Variants in DRGX observed in about 807,000 individuals in gnomAD.
The protein encoded by DRGX is dorsal root ganglia homeobox protein.
In DRGX, 21 loss-of-function variants were observed where a neutral mutation model predicts 28.6. The ratio of observed to expected loss-of-function variants is 0.73; its 90% CI spans 0.52 to 1.06. The LOEUF is 1.06. Among genes scored for constraint, DRGX ranks in the 50% least tolerant of loss-of-function variants. The pLI, the probability that DRGX is intolerant of heterozygous loss-of-function variation, is 0.00. For synonymous variants in DRGX, 136 were observed against 139.1 expected (o/e 0.98, Z 0.16); for missense variants, 354 against 343.9 (o/e 1.03, Z -0.23).
chr10:49,386,995 G>C (rs1005755171), intron 4 of DRGX, 137 bp from the exon 5 acceptor site: 1 of 987,664 alleles, frequency 1.0e-6, no homozygotes, highest in African/African-American at 1.6e-5. Context: ...TGCAGCGTCA[G>C]GCCCACAGAG....
At chr10:49,371,135 T>C (rs1199871142) in intron 6 of DRGX, among the ~76,000 whole-genome samples, 2 of 152,194 alleles carry the variant, frequency 1.3e-5, no homozygotes, top group East Asian at 1.9e-4. Flanking sequence ...AAAAAATTAT[T>C]TCCACAAGCA....
intron 2 of DRGX, among the ~76,000 whole-genome samples, chr10:49,393,646 C>T (rs999388736): frequency 1.3e-5 from 2 of 152,218 alleles, no homozygotes; most frequent in Non-Finnish European, 2.9e-5. Flanking sequence ...TCAACTTTTC[C>T]ATTTGCGGGA....
intron 6 of DRGX, among the ~76,000 whole-genome samples, 179 bp downstream of exon 6, chr10:49,386,299 G>A (rs535687809): frequency 7.9e-5 from 12 of 152,318 alleles, no homozygotes; most frequent in African/African-American, 2.9e-4. Flanking sequence ...CAGGACGCAT[G>A]TAGGAAGCAA....
At chr10:49,383,177 C>T (rs1020469821) in intron 6 of DRGX, among the ~76,000 whole-genome samples, 1 of 152,186 alleles carries the variant, frequency 6.6e-6, no homozygotes, top group South Asian at 2.1e-4. Context: ...ATAAGCAATC[C>T]CAGCTTCACC....
intron 6 of DRGX, among the ~76,000 whole-genome samples, chr10:49,380,337 C>G (rs1295164268): frequency 6.6e-6 from 1 of 152,230 alleles, no homozygotes; most frequent in Admixed American, 6.5e-5. Context: ...CCAGCCCCAG[C>G]CATTCCTGCC....
At chr10:49,369,202 C>T (rs899771108) in intron 6 of DRGX, among the ~76,000 whole-genome samples, 1 of 152,196 alleles carries the variant, frequency 6.6e-6, no homozygotes, top group African/African-American at 2.4e-5. Flanking sequence ...TAACTATACT[C>T]CTGGCCCTCA....
chr10:49,389,118 A>G (rs1362129390), intron 4 of DRGX, among the ~76,000 whole-genome samples: 1 of 152,220 alleles, frequency 6.6e-6, no homozygotes, highest in Non-Finnish European at 1.5e-5. Flanking sequence ...GGAGATTTTC[A>G]TTTCCAAATA....
chr10:49,383,478 C>T (rs1040466291), intron 6 of DRGX, among the ~76,000 whole-genome samples: 8 of 152,114 alleles, frequency 5.3e-5, no homozygotes, highest in Non-Finnish European at 8.8e-5. Context: ...AATGGGACAC[C>T]CCCTTACAGC....
In DRGX at chr10:49,386,940, C is replaced by T. The variant is rs369517359; in HGVS notation, c.235-82G>A. On this transcript the variant is annotated intron_variant, in intron 4 of 6. Transcript: ENST00000374139. ...GAACCCTGGACCCAGTGCTGGCACT[C>T]ACAGCTCACCCTGCAGCCTCCTCTC... is the stretch of plus-strand genomic sequence containing the variant. 3.5e-6 allele frequency: 5 copies of T among 1,447,586 alleles called. No homozygotes were observed. In the East Asian group the frequency reaches 1.2e-4, roughly 35 times the overall value. 89.7% of individuals were successfully genotyped at this position (1,447,586 alleles called of 1,614,324 possible). A position where few individuals can be genotyped will look rare whatever the true frequency, so the allele number is the denominator to read the frequency against.
At chr10:49,379,288 A>G (rs1052779557) in intron 6 of DRGX, among the ~76,000 whole-genome samples, 3 of 152,218 alleles carry the variant, frequency 2.0e-5, no homozygotes, top group African/African-American at 7.2e-5. Context: ...AACGAGGCAC[A>G]TGGAGTTAGG....
At chr10:49,373,308 A>G (rs993805712) in intron 6 of DRGX, among the ~76,000 whole-genome samples, 1 of 152,224 alleles carries the variant, frequency 6.6e-6, no homozygotes, top group Non-Finnish European at 1.5e-5. Flanking sequence ...AAAAGATACT[A>G]ATGAAATAAG....
At chr10:49,387,492 C>G (rs1849852707) in intron 4 of DRGX, among the ~76,000 whole-genome samples, 1 of 151,984 alleles carries the variant, frequency 6.6e-6, no homozygotes, top group Non-Finnish European at 1.5e-5. Context: ...AACCCCATCT[C>G]TTTTTGTAAA....
intron 6 of DRGX, among the ~76,000 whole-genome samples, chr10:49,367,433 A>C (rs1849612998): frequency 6.6e-6 from 1 of 152,366 alleles, no homozygotes; most frequent in East Asian, 1.9e-4. Context: ...CTTTCAATTT[A>C]TAAGTATTAT....
chr10:49,365,982 T>C lies in DRGX; in HGVS notation c.*134A>G, dbSNP rs563904609. ...GTGCCAAGGGAGCTGTGGGTCTCAC[T>C]TGCCCGTCCTGGGTCCATGCAGAGG... On this transcript the variant is annotated 3_prime_UTR_variant, in exon 7 of 7. Coordinates refer to ENST00000374139, the MANE Select transcript of DRGX (RefSeq NM_001276451.2). 1 of 1,121,176 alleles carries C rather than the reference T, an allele frequency of 8.9e-7. No homozygotes were observed. Among genetic ancestry groups the C allele is most frequent in the South Asian group, 2.1e-5 (1 of 47,664 alleles). 69.5% of individuals were successfully genotyped at this position (1,121,176 alleles called of 1,614,324 possible).
chr10:49,376,556 C>G lies in DRGX; in HGVS notation c.526+9922G>C, dbSNP rs566046388. ...CAGCGATCCAAACCCAAGCCCTAAT[C>G]AGATCCCAAGTGACTTTTTGGCTCA... is the stretch of plus-strand genomic sequence containing the variant. On this transcript the variant is annotated intron_variant, in intron 6 of 6. Transcript: ENST00000374139. Among the ~76,000 whole-genome samples the G allele has an allele frequency of 4.6e-5, 7 of 152,354 alleles. No homozygotes were observed. In the South Asian group the frequency reaches 1.0e-3, roughly 23 times the overall value.
chr10:49,380,913 C>T (rs1190346482), intron 6 of DRGX, among the ~76,000 whole-genome samples: 1 of 152,194 alleles, frequency 6.6e-6, no homozygotes, highest in African/African-American at 2.4e-5. Context: ...ACATGCTACC[C>T]ACTGTCCTGA....
At chr10:49,388,503 A>C (rs1000223513) in intron 4 of DRGX, among the ~76,000 whole-genome samples, 7 of 152,246 alleles carry the variant, frequency 4.6e-5, no homozygotes, top group Non-Finnish European at 7.3e-5. Flanking sequence ...TTAATTGCAC[A>C]TATCAGCAAC....
chr10:49,370,397 T>C (rs982037154), intron 6 of DRGX, among the ~76,000 whole-genome samples: 1 of 151,154 alleles, frequency 6.6e-6, no homozygotes, highest in Non-Finnish European at 1.5e-5. Context: ...AGAGTGATAC[T>C]CCTTCTCAAA....
chr10:49,367,904 G>A (rs1216791675), intron 6 of DRGX, among the ~76,000 whole-genome samples: 2 of 152,196 alleles, frequency 1.3e-5, no homozygotes, highest in Admixed American at 1.3e-4. Flanking sequence ...CTGGAGCCTG[G>A]AAGGCCACCC....
Sources: allele counts gnomAD v4.1 joint callset (sites outside exome capture counted in the v4.1 genomes callset), GRCh38; gene constraint gnomAD v4.1.1; transcripts MANE v1.5; gene names NCBI Gene and HGNC (gene_info 2026-07-23, HGNC 2026-07-21).